DIAPH2: variants seen among roughly 807,000 people sequenced by gnomAD.
The protein encoded by DIAPH2 is diaphanous related formin 2, also known as protein diaphanous homolog 2.
A neutral mutation model predicts 92.7 loss-of-function variants in DIAPH2; 35 were observed. The ratio of observed to expected loss-of-function variants is 0.38; its 90% CI spans 0.29 to 0.50. DIAPH2 has a LOEUF of 0.50. DIAPH2 is among the 20% of genes least tolerant of loss of function. The pLI is 0.94. For missense variants in DIAPH2, 701 were observed against 819.5 expected (o/e 0.86, Z 1.77); for synonymous variants, 301 against 280.4 (o/e 1.07, Z -0.73).
At chrX:96,861,801 C>G (rs916360889) in intron 4 of DIAPH2, among the ~76,000 whole-genome samples, 1 of 111,617 alleles carries the variant, frequency 9.0e-6, no homozygotes, top group Non-Finnish European at 1.9e-5. Context: ...CTCTCTCAGT[C>G]ACACACATGC....
At chrX:96,770,623 G>T (rs925358630) in intron 4 of DIAPH2, among the ~76,000 whole-genome samples, 3 of 111,801 alleles carry the variant, frequency 2.7e-5, no homozygotes, top group South Asian at 3.7e-4. Flanking sequence ...TTTAGAAATT[G>T]TAGGATAGTT....
intron 23 of DIAPH2, among the ~76,000 whole-genome samples, chrX:97,268,124 G>T (rs2068353224): frequency 8.9e-6 from 1 of 112,105 alleles, no homozygotes; most frequent in Non-Finnish European, 1.9e-5. Flanking sequence ...TGCAAGATCT[G>T]ATTTCTGGCC....
At chrX:97,260,215 A>C (rs1236379388) in intron 23 of DIAPH2, among the ~76,000 whole-genome samples, 1 of 112,821 alleles carries the variant, frequency 8.9e-6, no homozygotes, top group Non-Finnish European at 1.9e-5. Context: ...ACTGTGTGCC[A>C]GGCACTGTGT....
At chrX:97,566,991 A>G (rs1199495592) in intron 26 of DIAPH2, among the ~76,000 whole-genome samples, 1 of 111,898 alleles carries the variant, frequency 8.9e-6, no homozygotes, top group Non-Finnish European at 1.9e-5. Context: ...TTCTCTCTGT[A>G]ACAGTGATTT....
At chrX:97,063,448 C>A (rs2066614000) in intron 17 of DIAPH2, among the ~76,000 whole-genome samples, 1 of 111,780 alleles carries the variant, frequency 8.9e-6, no homozygotes, top group South Asian at 3.8e-4. Flanking sequence ...CTCATTCAAC[C>A]CCAATAAGGA....
intron 3 of DIAPH2, among the ~76,000 whole-genome samples, chrX:96,756,159 G>A (rs925439684): frequency 4.5e-5 from 5 of 111,470 alleles, no homozygotes; most frequent in South Asian, 3.8e-4. Context: ...GCCACTGTGC[G>A]TGGCCAAATT....
intron 24 of DIAPH2, among the ~76,000 whole-genome samples, chrX:97,358,312 G>A (rs750031153): frequency 2.0e-3 from 219 of 111,556 alleles, no homozygotes; most frequent in Middle Eastern, 0.014. Flanking sequence ...AAGATCTAGA[G>A]ACATTTTTGT....
intron 24 of DIAPH2, among the ~76,000 whole-genome samples, chrX:97,357,527 T>A (rs985024579): frequency 1.9e-5 from 2 of 108,006 alleles, no homozygotes; most frequent in Admixed American, 2.0e-4. Context: ...AAGCCCTCCC[T>A]AACTTCCATT....
chrX:96,920,287 T>C (rs1039592954), intron 9 of DIAPH2, among the ~76,000 whole-genome samples: 1 of 111,965 alleles, frequency 8.9e-6, no homozygotes, highest in African/African-American at 3.2e-5. Flanking sequence ...TTTAGATGAC[T>C]TTGAAAGTTT....
chrX:97,040,911 A>G (rs2066444437), intron 17 of DIAPH2, among the ~76,000 whole-genome samples: 1 of 110,825 alleles, frequency 9.0e-6, no homozygotes, highest in Non-Finnish European at 1.9e-5. Flanking sequence ...TCACATTATT[A>G]ATATCTTGCA....
chrX:97,482,849 G>A (rs919636363), intron 26 of DIAPH2, among the ~76,000 whole-genome samples: 5 of 111,464 alleles, frequency 4.5e-5, no homozygotes, highest in African/African-American at 1.6e-4. Flanking sequence ...AGAAAAGGTG[G>A]GAATGAAATA....
At chrX:97,373,828 C>G (rs1464320006) in intron 24 of DIAPH2, among the ~76,000 whole-genome samples, 1 of 109,528 alleles carries the variant, frequency 9.1e-6, no homozygotes, top group African/African-American at 3.3e-5. Context: ...TTTCAAACCC[C>G]TGACCTCAGG....
chrX:97,489,232 A>G (rs1052720149), intron 26 of DIAPH2, among the ~76,000 whole-genome samples: 7 of 111,424 alleles, frequency 6.3e-5, no homozygotes, highest in Non-Finnish European at 1.3e-4. Context: ...TGTTTTCAGT[A>G]CTTTATTGTT....
intron 22 of DIAPH2, among the ~76,000 whole-genome samples, chrX:97,181,636 C>T (rs2067540708): frequency 8.9e-6 from 1 of 111,943 alleles, no homozygotes; most frequent in Admixed American, 9.4e-5. Flanking sequence ...TCTTGAACTC[C>T]CGACCTCAGG....
At chrX:97,570,075 A>AATATATATATATAT (rs1164491863) in intron 26 of DIAPH2, among the ~76,000 whole-genome samples, 1 of 12,098 alleles carries the variant, frequency 8.3e-5, no homozygotes. Context: ...AAGGCCTTCT[A>AATATATATATATAT]ATATATATAT....
At chrX:96,763,125 G>A (rs985467502) in intron 4 of DIAPH2, 10 of 956,621 alleles carry the variant, frequency 1.0e-5, no homozygotes, top group Admixed American at 6.3e-5. Context: ...GTTACGGTGA[G>A]TACAAAAGAT....
At chrX:97,194,573 T>C (rs927413398) in intron 22 of DIAPH2, among the ~76,000 whole-genome samples, 123 of 111,665 alleles carry the variant, frequency 1.1e-3, no homozygotes, top group African/African-American at 2.4e-3. Flanking sequence ...CGTGAACCAC[T>C]GCACCCGGCC....
chrX:97,098,252 A>T (rs368429346), intron 19 of DIAPH2, among the ~76,000 whole-genome samples: 9 of 112,046 alleles, frequency 8.0e-5, no homozygotes, highest in African/African-American at 2.9e-4. Flanking sequence ...TATAATAAAG[A>T]AGCATTCATT....
chrX:97,434,035 A>G (rs2147780285), intron 26 of DIAPH2, among the ~76,000 whole-genome samples: 1 of 112,089 alleles, frequency 8.9e-6, no homozygotes, highest in Non-Finnish European at 1.9e-5. Flanking sequence ...TCATTAAGAA[A>G]AACAGAGGCA....
Sources: allele counts gnomAD v4.1 joint callset (sites outside exome capture counted in the v4.1 genomes callset), GRCh38; gene constraint gnomAD v4.1.1; transcripts MANE v1.5; gene names NCBI Gene and HGNC (gene_info 2026-07-23, HGNC 2026-07-21).